ELL2: variants seen among roughly 807,000 people sequenced by gnomAD.
The protein encoded by ELL2 is elongation factor for RNA polymerase II 2, also known as RNA polymerase II elongation factor ELL2.
ELL2 carries 21 observed loss-of-function variants against 72.8 expected under a neutral mutation model. The ratio of observed to expected loss-of-function variants is 0.29; its 90% confidence interval spans 0.20 to 0.42. The LOEUF is 0.42. Among genes scored for constraint, ELL2 ranks in the 10% least tolerant of loss-of-function variants. The pLI, the probability that ELL2 is intolerant of heterozygous loss-of-function variation, is 1.00. For synonymous variants in ELL2, 266 were observed against 283.2 expected (o/e 0.94, Z 0.61); for missense variants, 568 against 772.8 (o/e 0.73, Z 3.14).
At position 95,906,690 on chromosome 5, in the gene ELL2, T is replaced by C; in HGVS notation, c.574A>G (p.Ile192Val). 2 of 1,614,124 alleles carry C rather than the reference T, an allele frequency of 1.2e-6. No homozygotes were observed. Among genetic ancestry groups the C allele is most frequent in the Non-Finnish European group, 1.7e-6 (2 of 1,179,982 alleles). Residue 192 changes from isoleucine to valine, a missense_variant, in exon 5 of 12, where the codon ATT becomes GTT. Physicochemically the swap from Ile to Val is conservative, Grantham distance 29. Transcript: ENST00000237853. ...RSTPMNPANT[I>V]RKTHSSSTIS... is the part of the protein sequence containing the mutation. The stretch of plus-strand genomic sequence containing the variant: ...GTGCTGCTGCTATGTGTCTTTCGAA[T>C]TGTATTTGCAGGGTTCATGGGGGTT...
intron 1 of ELL2, among the ~76,000 whole-genome samples, chr5:95,954,732 G>A (rs899556833): frequency 9.9e-5 from 15 of 151,308 alleles, no homozygotes; most frequent in African/African-American, 3.6e-4. Context: ...GAGCCACTGC[G>A]CCCGGCCAAT....
chr5:95,961,655 C>G lies in ELL2; in HGVS notation c.67G>C (p.Gly23Arg). The G allele has an allele frequency of 1.2e-6, 2 of 1,610,506 alleles. No individual in the cohort carries two copies. Among genetic ancestry groups the G allele is most frequent in the African/African-American group, 2.7e-5 (2 of 74,334 alleles). ...QRYGLSCGRL[G>R]QDNITVLHVK... ...TGCAGTACGGTGATGTTGTCCTGCC[C>G]CAGCCGTCCGCACGACAGCCCATAG... The change falls in exon 1 of 12, where the codon GGG becomes CGG. Residue 23 changes from glycine (G) to arginine (R), a missense_variant. This residue lies in a region of ELL2 where 57 missense variants were observed against 44.4 expected (regional missense o/e 1.28). Coordinates refer to ENST00000237853, the MANE Select transcript of ELL2 (RefSeq NM_012081.6).
At chr5:95,889,567 C>T (rs1364331095) in intron 10 of ELL2, among the ~76,000 whole-genome samples, 3 of 152,086 alleles carry the variant, frequency 2.0e-5, no homozygotes, top group Non-Finnish European at 4.4e-5. Flanking sequence ...CAGCTTGATA[C>T]CATTAGTTTA....
intron 5 of ELL2, among the ~76,000 whole-genome samples, chr5:95,901,703 T>C (rs1288554236): frequency 6.6e-6 from 1 of 152,216 alleles, no homozygotes; most frequent in African/African-American, 2.4e-5. Context: ...AAAACGGAGA[T>C]GGCTAGTGAC....
At chr5:95,913,721 T>C in intron 4 of ELL2, 50 bp downstream of exon 4, 1 of 1,489,086 alleles carries the variant, frequency 6.7e-7, no homozygotes, top group Non-Finnish European at 8.9e-7. Context: ...TATGGTGATC[T>C]TGAATTACTC....
chr5:95,889,036 TACA>T (rs1292672215), intron 11 of ELL2, 47 bp downstream of exon 11: 39 of 1,584,836 alleles, frequency 2.5e-5, no homozygotes, highest in Non-Finnish European at 3.2e-5. Flanking sequence ...TTGCAGAATT[TACA>T]ACATTTTTCA....
At chr5:95,949,038 T>C (rs921995541) in intron 1 of ELL2, among the ~76,000 whole-genome samples, 3 of 152,202 alleles carry the variant, frequency 2.0e-5, no homozygotes, top group African/African-American at 7.2e-5. Flanking sequence ...GCTCTTAAGT[T>C]TGGTTATACT....
chr5:95,916,519 G>A (rs1459834441), intron 3 of ELL2, among the ~76,000 whole-genome samples: 1 of 152,080 alleles, frequency 6.6e-6, no homozygotes, highest in East Asian at 1.9e-4. Context: ...AGGAGAGAGT[G>A]GTCAACAGTG....
intron 2 of ELL2, among the ~76,000 whole-genome samples, chr5:95,934,464 C>T (rs1286406105): frequency 6.6e-6 from 1 of 152,150 alleles, no homozygotes; most frequent in Non-Finnish European, 1.5e-5. Flanking sequence ...CTAGACTGGA[C>T]TTTTTCCTAG....
Position 95,901,085 on chromosome 5 carries a change from T to C in ELL2, c.742-5A>G. 1.3e-6 allele frequency: 2 copies of C among 1,595,754 alleles called. No individual in the cohort carries two copies. Among genetic ancestry groups the C allele is most frequent in the Non-Finnish European group, 1.7e-6 (2 of 1,175,222 alleles). On this transcript the variant is annotated splice_polypyrimidine_tract_variant and splice_region_variant and intron_variant, in intron 5 of 11. Transcript: ENST00000237853. ...CTTAGAATTCAGATTGGCTACCTAG[T>C]ATGAGGTATAAAAACAGAGCATTAG...
intron 4 of ELL2, among the ~76,000 whole-genome samples, chr5:95,910,452 AT>A (rs1257772959): frequency 3.4e-4 from 51 of 148,628 alleles, no homozygotes; most frequent in African/African-American, 2.7e-4. Flanking sequence ...GTGACGAGTG[AT>A]TTTTTTTTTT....
chr5:95,927,439 G>GTATATGTA (rs1750359994), intron 2 of ELL2, among the ~76,000 whole-genome samples: 1 of 35,220 alleles, frequency 2.8e-5, no homozygotes, highest in Non-Finnish European at 4.7e-5. Flanking sequence ...ACACACGTGT[G>GTATATGTA]TATATAGACA....
chr5:95,911,343 CTT>C (rs141460387), intron 4 of ELL2, among the ~76,000 whole-genome samples: 2 of 146,366 alleles, frequency 1.4e-5, no homozygotes. Flanking sequence ...AATGATCACA[CTT>C]TTTTTTTTTT....
intron 2 of ELL2, among the ~76,000 whole-genome samples, chr5:95,923,329 AATG>A (rs755724853): frequency 9.9e-4 from 150 of 152,196 alleles, no homozygotes; most frequent in Non-Finnish European, 1.4e-3. Flanking sequence ...TGCCACACAC[AATG>A]ATAAGATTCT....
At chr5:95,954,574 T>C (rs1274219265) in intron 1 of ELL2, among the ~76,000 whole-genome samples, 2 of 138,604 alleles carry the variant, frequency 1.4e-5, no homozygotes, top group Admixed American at 1.4e-4. Context: ...GCCTGGCTAA[T>C]TTTCTTTTCT....
intron 9 of ELL2, among the ~76,000 whole-genome samples, chr5:95,891,808 C>T (rs1748675168): frequency 6.6e-6 from 1 of 152,200 alleles, no homozygotes; most frequent in Non-Finnish European, 1.5e-5. Context: ...GTGCCTCAGG[C>T]TTGCTTCCTC....
chr5:95,912,154 G>C (rs1382336558), intron 4 of ELL2, among the ~76,000 whole-genome samples: 1 of 152,188 alleles, frequency 6.6e-6, no homozygotes, highest in Non-Finnish European at 1.5e-5. Flanking sequence ...TTTGGGTGTT[G>C]AAGTCTGTTG....
chr5:95,898,067 G>T (rs1472525548), intron 8 of ELL2, among the ~76,000 whole-genome samples, 173 bp downstream of exon 8: 1 of 124,544 alleles, frequency 8.0e-6, no homozygotes, highest in Non-Finnish European at 1.7e-5. Flanking sequence ...GCCAAAAAGA[G>T]ATGGAAAACA....
intron 3 of ELL2, among the ~76,000 whole-genome samples, chr5:95,917,238 CT>C (rs1463840178): frequency 1.3e-5 from 2 of 152,128 alleles, no homozygotes; most frequent in Non-Finnish European, 2.9e-5. Context: ...GCAATTTTGA[CT>C]GTGACATTGA....
Sources: gnomAD v4.1 joint callset for allele counts (sites outside exome capture counted in the v4.1 genomes callset) on GRCh38, gnomAD v4.1.1 for gene constraint, gnomAD v4.1.1 regional missense constraint, MANE v1.5 for transcripts, NCBI Gene and HGNC (gene_info 2026-07-23, HGNC 2026-07-21) for gene names.